Variants in MS4A13 observed in about 807,000 individuals in gnomAD.
The protein encoded by MS4A13 is membrane spanning 4-domains A13.
In MS4A13, 21 loss-of-function variants were observed where a neutral mutation model predicts 18.4. That is an observed-to-expected ratio of 1.14 (90% CI 0.81 to 1.64). MS4A13 has a LOEUF of 1.64. Ranked by LOEUF, MS4A13 falls within the 40% of genes most tolerant of loss-of-function variation. The pLI is 0.00. For missense variants in MS4A13, 173 were observed against 176.8 expected (o/e 0.98, Z 0.12); for synonymous variants, 62 against 57.2 (o/e 1.08, Z -0.38).
chr11:60,527,944 G>T (rs1364386999), intron 5 of MS4A13, among the ~76,000 whole-genome samples: 2 of 152,168 alleles, frequency 1.3e-5, no homozygotes, highest in African/African-American at 4.8e-5. Context: ...AAAATGTTAT[G>T]ATTATGATTG....
At chr11:60,522,235 G>GAT (rs2086680746) in intron 3 of MS4A13, among the ~76,000 whole-genome samples, 1 of 112,202 alleles carries the variant, frequency 8.9e-6, no homozygotes, top group Non-Finnish European at 1.8e-5. Context: ...TAGATAGATA[G>GAT]ATAGATGTAT....
Position 60,518,068 on chromosome 11 carries a change from A to C in MS4A13, c.-12-4A>C, listed in dbSNP as rs1449820591. ...TCGGTACTAACATAATTCTCTTCTC[A>C]CAGACTATCCAGATTATGATTGGCA... On this transcript the variant is annotated splice_region_variant and splice_polypyrimidine_tract_variant and intron_variant, in intron 2 of 6. Coordinates refer to ENST00000378186, the MANE Select transcript of MS4A13 (RefSeq NM_001012417.3). 1 of 1,575,144 alleles carries C rather than the reference A, an allele frequency of 6.3e-7. No individual in the cohort carries two copies. The highest frequency in any genetic ancestry group is 8.7e-7 in the Non-Finnish European group (1 of 1,154,718).
chr11:60,527,377 TCTCTCTCTCTC>T (rs2086722947), intron 5 of MS4A13, among the ~76,000 whole-genome samples: 1 of 97,242 alleles, frequency 1.0e-5, no homozygotes, highest in Non-Finnish European at 1.9e-5. Flanking sequence ...TCTCTCTCTC[TCTCTCTCTCTC>T]TCTCTCTCTC....
chr11:60,532,728 C>A (rs1480783671), intron 6 of MS4A13, among the ~76,000 whole-genome samples: 3 of 143,160 alleles, frequency 2.1e-5, no homozygotes, highest in African/African-American at 7.8e-5. Flanking sequence ...AGGGCACAGA[C>A]AAACAAAAAG....
At chr11:60,517,989 T>A in intron 2 of MS4A13, 83 bp from the exon 3 acceptor site, 1 of 1,112,272 alleles carries the variant, frequency 9.0e-7, no homozygotes, top group Non-Finnish European at 1.3e-6. Context: ...GTAAAGGTGT[T>A]AAATGCTTCT....
At chr11:60,537,822 A>G (rs1423999392) in intron 6 of MS4A13, among the ~76,000 whole-genome samples, 1 of 91,062 alleles carries the variant, frequency 1.1e-5, no homozygotes, top group East Asian at 4.1e-4. Flanking sequence ...TGTGGCACAT[A>G]TACACCATGG....
At chr11:60,526,320 G>A (rs2086712853) in intron 5 of MS4A13, among the ~76,000 whole-genome samples, 1 of 152,120 alleles carries the variant, frequency 6.6e-6, no homozygotes, top group Non-Finnish European at 1.5e-5. Flanking sequence ...GAAATCTTTA[G>A]TTCTAATTTT....
chr11:60,535,351 A>G (rs1242990674), intron 6 of MS4A13, among the ~76,000 whole-genome samples: 2 of 74,572 alleles, frequency 2.7e-5, no homozygotes, highest in African/African-American at 1.2e-4. Flanking sequence ...TATCACCACC[A>G]ATCCCACAGA....
intron 3 of MS4A13, among the ~76,000 whole-genome samples, chr11:60,523,510 T>C (rs567078263): frequency 6.6e-6 from 1 of 152,352 alleles, no homozygotes; most frequent in African/African-American, 2.4e-5. Flanking sequence ...TATTTGGATA[T>C]GTACATAGTA....
chr11:60,518,028 T>C (rs2086648476), intron 2 of MS4A13, 44 bp from the exon 3 acceptor site: 1 of 1,462,550 alleles, frequency 6.8e-7, no homozygotes, highest in East Asian at 2.3e-5. Flanking sequence ...GAATTGTGTT[T>C]TAAATTACAT....
At chr11:60,523,703 G>T (rs1590872658) in intron 3 of MS4A13, among the ~76,000 whole-genome samples, 194 bp from the exon 4 acceptor site, 1 of 152,166 alleles carries the variant, frequency 6.6e-6, no homozygotes, top group African/African-American at 2.4e-5. Flanking sequence ...TCTCTGTTAT[G>T]AGTGACTCTA....
chr11:60,530,461 A>G (rs761754652), intron 6 of MS4A13, among the ~76,000 whole-genome samples: 5 of 152,218 alleles, frequency 3.3e-5, no homozygotes, highest in Non-Finnish European at 5.9e-5. Context: ...TTCTGAAGAG[A>G]GGGAATGAGT....
chr11:60,539,917 A>G (rs79490867), intron 6 of MS4A13, among the ~76,000 whole-genome samples: 5,155 of 152,286 alleles, frequency 0.034, 267 homozygotes, highest in African/African-American at 0.11. Flanking sequence ...ATGTGTTGCT[A>G]GCAGAAATTC....
intron 6 of MS4A13, among the ~76,000 whole-genome samples, chr11:60,541,327 T>G (rs1590883777): frequency 1.3e-5 from 2 of 152,154 alleles, no homozygotes; most frequent in African/African-American, 4.8e-5. Context: ...CAGGAATATA[T>G]AGAGAGCAGT....
chr11:60,518,330 C>T lies in MS4A13; in HGVS notation c.129+118C>T, dbSNP rs79002350. On this transcript the variant is annotated intron_variant, in intron 3 of 6. Coordinates refer to ENST00000378186, the MANE Select transcript of MS4A13 (RefSeq NM_001012417.3). ...TCAGGAGAATTATGTAACTAAATCC[C>T]ATGTTGATAATTTATTCAAAGTCAG... 8,370 of 752,094 alleles carry T rather than the reference C, an allele frequency of 0.011. 464 individuals are homozygous for T. In the Admixed American group the frequency reaches 0.12, roughly 11 times the overall value. 46.6% of individuals were successfully genotyped at this position (752,094 alleles called of 1,614,324 possible).
chr11:60,517,849 C>T (rs1170134444), intron 2 of MS4A13, among the ~76,000 whole-genome samples: 2 of 152,156 alleles, frequency 1.3e-5, no homozygotes, highest in Non-Finnish European at 2.9e-5. Context: ...TATTATTGAA[C>T]AGCCTGTTGC....
At chr11:60,518,954 G>A (rs1243855324) in intron 3 of MS4A13, among the ~76,000 whole-genome samples, 1 of 152,230 alleles carries the variant, frequency 6.6e-6, no homozygotes, top group Non-Finnish European at 1.5e-5. Context: ...TGGCTCAAGA[G>A]AGGGTTTGCT....
At chr11:60,528,491 T>A (rs1017455220) in intron 5 of MS4A13, among the ~76,000 whole-genome samples, 26 of 152,226 alleles carry the variant, frequency 1.7e-4, no homozygotes, top group African/African-American at 6.0e-4. Flanking sequence ...TTCTACTTCA[T>A]TATAAACTCT....
At chr11:60,539,234 A>T (rs2086837171) in intron 6 of MS4A13, among the ~76,000 whole-genome samples, 1 of 151,968 alleles carries the variant, frequency 6.6e-6, no homozygotes, top group Non-Finnish European at 1.5e-5. Context: ...ATGTTTGAAG[A>T]ATTATAAGAT....
Sources: gnomAD v4.1 joint callset for allele counts (sites outside exome capture counted in the v4.1 genomes callset) on GRCh38, gnomAD v4.1.1 for gene constraint, MANE v1.5 for transcripts, NCBI Gene and HGNC (gene_info 2026-07-23, HGNC 2026-07-21) for gene names.